The following UBXN11 variants were observed in gnomAD, a reference collection of about 807,000 sequenced individuals.
UBXN11 encodes UBX domain protein 11, also known as UBX domain-containing protein 11.
A neutral mutation model predicts 62.8 loss-of-function variants in UBXN11; 47 were observed. The observed-to-expected ratio is 0.75, with a 90% CI of 0.59 to 0.95. The LOEUF (loss-of-function observed/expected upper bound fraction) is 0.95, where lower values mean the gene tolerates loss of function less well. Ranked by LOEUF, UBXN11 falls within the 40% of genes least tolerant of loss-of-function variation. The pLI is 0.00. For synonymous variants in UBXN11, 294 were observed against 267.0 expected (o/e 1.10, Z -0.99); for missense variants, 638 against 661.7 (o/e 0.96, Z 0.39).
intron 4 of UBXN11, 121 bp from the exon 5 acceptor site, chr1:26,298,183 G>C: frequency 1.1e-6 from 1 of 949,426 alleles, no homozygotes; most frequent in Non-Finnish European, 1.6e-6. Flanking sequence ...GCTCCCACTG[G>C]CATCATAGGA....
rs773400957 is a variant in UBXN11 at position 26,294,142 on chromosome 1, GC to G, written c.559+62del. 4 of 1,592,844 alleles carry G rather than the reference GC, an allele frequency of 2.5e-6. No individual in the cohort carries two copies. In the African/African-American group the frequency reaches 5.4e-5, roughly 21 times the overall value. ...GAGATAGGCCTCTGGGGAGCTGCCG[GC>G]CAACAGCAAACTGTTGGAGAATTCC... On this transcript the variant is annotated intron_variant, in intron 8 of 14. Coordinates refer to ENST00000374222, the MANE Select transcript of UBXN11 (RefSeq NM_001389556.1).
intron 7 of UBXN11, among the ~76,000 whole-genome samples, chr1:26,296,620 C>T (rs932191218): frequency 3.3e-5 from 5 of 152,142 alleles, no homozygotes; most frequent in Non-Finnish European, 7.4e-5. Flanking sequence ...GGGGCCAGCC[C>T]GCAGGGGCCA....
chr1:26,312,587 G>A (rs1405939871), intron 1 of UBXN11, among the ~76,000 whole-genome samples: 2 of 151,954 alleles, frequency 1.3e-5, no homozygotes, highest in African/African-American at 2.4e-5. Context: ...TGTGATTTTC[G>A]TATGGGTCTC....
At chr1:26,312,878 C>A (rs2073756750) in intron 1 of UBXN11, among the ~76,000 whole-genome samples, 1 of 143,278 alleles carries the variant, frequency 7.0e-6, no homozygotes, top group South Asian at 2.3e-4. Flanking sequence ...ACTCAGGATG[C>A]TGAGGCAGGA....
intron 6 of UBXN11, among the ~76,000 whole-genome samples, 156 bp from the exon 7 acceptor site, chr1:26,297,151 G>T (rs748984807): frequency 6.6e-6 from 1 of 152,072 alleles, no homozygotes; most frequent in African/African-American, 2.4e-5. Flanking sequence ...ACCCCGTGGC[G>T]GTGCCTTGAT....
chr1:26,299,511 C>A (rs1463508851), intron 4 of UBXN11, among the ~76,000 whole-genome samples: 699 of 102,578 alleles, frequency 6.8e-3, no homozygotes, highest in South Asian at 0.011. Flanking sequence ...AGGCAGTCTC[C>A]AAAAAAAAAA....
upstream of UBXN11, chr1:26,306,824 C>CGGGGGGGGGGGG (rs1344172803): frequency 3.9e-4 from 2 of 5,166 alleles, no homozygotes; most frequent in African/African-American, 8.3e-4. Context: ...AGGTCCGGGG[C>CGGGGGGGGGGGG]GGGGTGGGGG....
intron 7 of UBXN11, among the ~76,000 whole-genome samples, chr1:26,295,210 C>T (rs1392075728): frequency 6.6e-6 from 1 of 152,042 alleles, no homozygotes; most frequent in Non-Finnish European, 1.5e-5. Context: ...ACCTGAGAAT[C>T]CTCTGTCGCC....
chr1:26,314,696 G>C (rs1267759018), intron 1 of UBXN11, among the ~76,000 whole-genome samples: 1 of 152,182 alleles, frequency 6.6e-6, no homozygotes, highest in Non-Finnish European at 1.5e-5. Context: ...CGCTGAGTAA[G>C]AGAAGTGACA....
intron 9 of UBXN11, 28 bp from the exon 10 acceptor site, chr1:26,285,569 G>T: frequency 6.5e-7 from 1 of 1,539,508 alleles, no homozygotes; most frequent in South Asian, 1.2e-5. Flanking sequence ...AAGTGAGGGG[G>T]TGGCCTGGGC....
chr1:26,302,778 C>A, intron 2 of UBXN11, 35 bp downstream of exon 2: 1 of 1,589,434 alleles, frequency 6.3e-7, no homozygotes, highest in Admixed American at 1.7e-5. Flanking sequence ...GATACAGAGG[C>A]GGGGACAGAA....
At chr1:26,286,725 G>A in intron 8 of UBXN11, among the ~76,000 whole-genome samples, 1 of 152,092 alleles carries the variant, frequency 6.6e-6, no homozygotes, top group Non-Finnish European at 1.5e-5. Flanking sequence ...TTGAGATGGA[G>A]TTTCACTCTT....
rs1200713356 is a variant in UBXN11 at position 26,291,335 on chromosome 1, G to A, written c.559+2870C>T. 4.6e-5 allele frequency among the ~76,000 whole-genome samples: 7 copies of A among 152,284 alleles called. No individual in the cohort carries two copies. In the South Asian group the frequency reaches 1.2e-3, roughly 27 times the overall value. ...ACAGAAGCTGCTAGCGACGAAAAAC[G>A]TCATTCATCTGGCAGAAAGAGCCGA... is the stretch of plus-strand genomic sequence containing the variant. On this transcript the variant is annotated intron_variant, in intron 8 of 14. Transcript: ENST00000374222.
intron 8 of UBXN11, among the ~76,000 whole-genome samples, chr1:26,289,916 T>A (rs1001673459): frequency 7.2e-5 from 11 of 152,220 alleles, no homozygotes; most frequent in African/African-American, 2.7e-4. Context: ...GGCCCCGCTC[T>A]GGGGACTTTA....
chr1:26,318,249 C>T (rs2124684630), exon 1 of UBXN11: 1 of 611,844 alleles, frequency 1.6e-6, no homozygotes, highest in Admixed American at 2.9e-5. Flanking sequence ...TCCAGCTCTT[C>T]TGGCTGGGGC....
intron 4 of UBXN11, 54 bp from the exon 5 acceptor site, chr1:26,298,116 TG>T (rs576128140): frequency 1.2e-5 from 19 of 1,565,652 alleles, no homozygotes; most frequent in Admixed American, 1.8e-5. Flanking sequence ...GGCTGAGTTG[TG>T]GGGGGGAGGG....
chr1:26,313,544 C>A (rs2073763336), intron 1 of UBXN11, among the ~76,000 whole-genome samples: 1 of 152,146 alleles, frequency 6.6e-6, no homozygotes, highest in African/African-American at 2.4e-5. Flanking sequence ...TAGCAGGGAC[C>A]ATGTCTTTAT....
intron 8 of UBXN11, among the ~76,000 whole-genome samples, chr1:26,291,258 A>T (rs1302336882): frequency 3.3e-5 from 5 of 152,208 alleles, no homozygotes; most frequent in Non-Finnish European, 5.9e-5. Context: ...TGGGCGGAGC[A>T]GGGTGGCACC....
intron 13 of UBXN11, 25 bp from the exon 14 acceptor site, chr1:26,282,814 A>T: frequency 6.2e-7 from 1 of 1,613,990 alleles, no homozygotes; most frequent in Non-Finnish European, 8.5e-7. Context: ...GGCCATCAGC[A>T]CGCGGTGACC....
Sources: gnomAD v4.1 joint callset for allele counts (sites outside exome capture counted in the v4.1 genomes callset) on GRCh38, gnomAD v4.1.1 for gene constraint, MANE v1.5 for transcripts, NCBI Gene and HGNC (gene_info 2026-07-23, HGNC 2026-07-21) for gene names.